SUMF1: variants seen among roughly 807,000 people sequenced by gnomAD.
SUMF1 encodes the protein sulfatase modifying factor 1, also known as formylglycine-generating enzyme.
A neutral mutation model predicts 47.6 loss-of-function variants in SUMF1; 48 were observed. That is an observed-to-expected ratio of 1.01 (90% CI 0.80 to 1.28). The LOEUF (loss-of-function observed/expected upper bound fraction) is 1.28. Ranked by LOEUF, SUMF1 falls within the 50% of genes most tolerant of loss-of-function variation. The pLI is 0.00. For missense variants in SUMF1, 571 were observed against 485.4 expected (o/e 1.18, Z -1.66); for synonymous variants, 230 against 192.1 (o/e 1.20, Z -1.63).
intron 7 of SUMF1, among the ~76,000 whole-genome samples, chr3:4,384,189 C>A (rs905988749): frequency 6.6e-6 from 1 of 152,210 alleles, no homozygotes; most frequent in Non-Finnish European, 1.5e-5. Context: ...CTTAGTATGG[C>A]AGATCTGCTA....
chr3:4,041,888 C>T (rs1175941849), intron 9 of SUMF1, among the ~76,000 whole-genome samples: 1 of 152,118 alleles, frequency 6.6e-6, no homozygotes, highest in Non-Finnish European at 1.5e-5. Flanking sequence ...AGAAAGCAGG[C>T]CTGAATCCCG....
intron 8 of SUMF1, among the ~76,000 whole-genome samples, chr3:4,129,692 T>A (rs889040466): frequency 1.3e-5 from 2 of 152,126 alleles, no homozygotes; most frequent in African/African-American, 4.8e-5. Context: ...GAAAGGGAAA[T>A]AATCAGACAT....
chr3:4,108,825 C>T (rs922515135), intron 8 of SUMF1, among the ~76,000 whole-genome samples: 14 of 152,150 alleles, frequency 9.2e-5, no homozygotes, highest in Middle Eastern at 3.4e-3. Flanking sequence ...TGTCCCTGCA[C>T]GTGAGATGGG....
intron 8 of SUMF1, among the ~76,000 whole-genome samples, chr3:4,145,994 T>C (rs1694185001): frequency 6.6e-6 from 1 of 152,120 alleles, no homozygotes; most frequent in Non-Finnish European, 1.5e-5. Context: ...GAAAATCCAC[T>C]GGGTCTCCCT....
rs758775633 is a variant in SUMF1, at chr3:4,316,859, T to C, written c.1014+59471A>G. 60 of 1,549,664 alleles carry C rather than the reference T, an allele frequency of 3.9e-5. No individual in the cohort carries two copies. The South Asian group carries it at 5.2e-4, about 14-fold the overall frequency. ...TGAATCCCGGTGAAACCATTACATCTGAGAAGTATGCTCAGGAAATCGATG... is the reference window on the plus strand; with the variant it reads ...TGAATCCCGGTGAAACCATTACATCCGAGAAGTATGCTCAGGAAATCGATG... On this transcript the variant is annotated intron_variant and NMD_transcript_variant, in intron 8 of 12. Transcript: ENST00000448413.
At chr3:4,120,335 A>C (rs1693510418) in intron 8 of SUMF1, among the ~76,000 whole-genome samples, 1 of 152,108 alleles carries the variant, frequency 6.6e-6, no homozygotes, top group African/African-American at 2.4e-5. Context: ...ACCTTTCAAA[A>C]TCTGGTTTTC....
At chr3:4,453,175 A>C in intron 1 of SUMF1, 126 bp from the exon 2 acceptor site, 3 of 946,878 alleles carry the variant, frequency 3.2e-6, no homozygotes, top group Non-Finnish European at 4.9e-6. Context: ...ATAACTGTAA[A>C]ATTCGGAAAA....
At chr3:4,218,830 G>C (rs1465863396) in intron 8 of SUMF1, among the ~76,000 whole-genome samples, 4 of 152,250 alleles carry the variant, frequency 2.6e-5, no homozygotes, top group Admixed American at 6.5e-5. Context: ...AATGCACAAG[G>C]TCTAATTACA....
At chr3:4,149,537 A>G (rs1694270836) in intron 8 of SUMF1, among the ~76,000 whole-genome samples, 1 of 152,154 alleles carries the variant, frequency 6.6e-6, no homozygotes, top group Non-Finnish European at 1.5e-5. Context: ...TGACTTCTGG[A>G]GGCAACATGT....
intron 8 of SUMF1, among the ~76,000 whole-genome samples, chr3:4,346,864 C>T (rs114867800): frequency 0.012 from 1,868 of 152,200 alleles, 18 homozygotes; most frequent in Middle Eastern, 0.051. Context: ...ACCACTGATC[C>T]CTCAGAATTA....
intron 9 of SUMF1, among the ~76,000 whole-genome samples, chr3:4,068,340 T>C (rs948739895): frequency 6.6e-6 from 1 of 152,194 alleles, no homozygotes; most frequent in Non-Finnish European, 1.5e-5. Flanking sequence ...ATCTGTCTAA[T>C]AGAAATATAA....
intron 8 of SUMF1, among the ~76,000 whole-genome samples, chr3:4,133,319 T>C (rs1381227073): frequency 6.6e-6 from 1 of 152,180 alleles, no homozygotes; most frequent in Non-Finnish European, 1.5e-5. Context: ...AGGATAGTTA[T>C]ATTAGGCATA....
chr3:4,438,217 T>C (rs1191164205), intron 3 of SUMF1, among the ~76,000 whole-genome samples: 1 of 83,720 alleles, frequency 1.2e-5, no homozygotes, highest in African/African-American at 4.3e-5. Flanking sequence ...TTAATTTCAA[T>C]AGCTATAAGA....
chr3:4,286,404 A>G (rs1697633503), intron 8 of SUMF1, among the ~76,000 whole-genome samples: 1 of 152,142 alleles, frequency 6.6e-6, no homozygotes, highest in Admixed American at 6.5e-5. Flanking sequence ...CAAAAGCAGT[A>G]AAAGTCTAGA....
At chr3:4,217,515 T>TATATATATATATATATAA (rs1695954981) in intron 8 of SUMF1, among the ~76,000 whole-genome samples, 1 of 63,724 alleles carries the variant, frequency 1.6e-5, no homozygotes, top group African/African-American at 9.0e-5. Flanking sequence ...AAGTATTTTT[T>TATATATATATATATATAA]ATATATATAT....
At chr3:4,075,859 A>C (rs1692420937) in intron 8 of SUMF1, among the ~76,000 whole-genome samples, 1 of 152,274 alleles carries the variant, frequency 6.6e-6, no homozygotes, top group African/African-American at 2.4e-5. Flanking sequence ...AAATGGAAAA[A>C]CATTCCATGC....
At chr3:4,041,272 A>G (rs942516032) in intron 9 of SUMF1, among the ~76,000 whole-genome samples, 1 of 152,096 alleles carries the variant, frequency 6.6e-6, no homozygotes, top group African/African-American at 2.4e-5. Flanking sequence ...GGCTTTCACC[A>G]TGTTGGCCAG....
intron 8 of SUMF1, among the ~76,000 whole-genome samples, chr3:4,113,363 T>C (rs1460395081): frequency 6.6e-6 from 1 of 151,788 alleles, no homozygotes; most frequent in Non-Finnish European, 1.5e-5. Flanking sequence ...CTTGTCTCTA[T>C]AAAATAAAAA....
chr3:4,056,875 G>A (rs1016534316), intron 9 of SUMF1, among the ~76,000 whole-genome samples: 1 of 151,910 alleles, frequency 6.6e-6, no homozygotes, highest in Non-Finnish European at 1.5e-5. Context: ...CTGAGTAGCT[G>A]GGACTACAGG....
Sources: gnomAD v4.1 joint callset for allele counts (sites outside exome capture counted in the v4.1 genomes callset) on GRCh38, gnomAD v4.1.1 for gene constraint, MANE v1.5 for transcripts, NCBI Gene and HGNC (gene_info 2026-07-23, HGNC 2026-07-21) for gene names.